ZBTB7C: variants seen among roughly 807,000 people sequenced by gnomAD.
The protein encoded by ZBTB7C is zinc finger and BTB domain-containing protein 7C.
In ZBTB7C, 8 loss-of-function variants were observed where a neutral mutation model predicts 25.7. That is an observed-to-expected ratio of 0.31 (90% CI 0.18 to 0.56). The LOEUF (loss-of-function observed/expected upper bound fraction) is 0.56. Among genes scored for constraint, ZBTB7C ranks in the 20% least tolerant of loss-of-function variants. The probability of loss-of-function intolerance (pLI) is 0.91; values close to 1 mark genes in which losing one functional copy is unlikely to be tolerated. For missense variants in ZBTB7C, 824 were observed against 855.2 expected (o/e 0.96, Z 0.46); for synonymous variants, 394 against 369.0 (o/e 1.07, Z -0.78).
At chr18:48,097,151 G>A (rs941580853) in intron 3 of ZBTB7C, among the ~76,000 whole-genome samples, 2 of 152,204 alleles carry the variant, frequency 1.3e-5, no homozygotes, top group African/African-American at 4.8e-5. Flanking sequence ...GAACATAGTT[G>A]ATTGGATCAG....
At chr18:48,131,958 C>T (rs1437813140) in intron 3 of ZBTB7C, among the ~76,000 whole-genome samples, 3 of 152,154 alleles carry the variant, frequency 2.0e-5, no homozygotes, top group Non-Finnish European at 4.4e-5. Context: ...AATGGTACAG[C>T]CACTGTAAAA....
rs564739358 is a variant in ZBTB7C, at chr18:48,362,475, T to C, written c.-303-24077A>G. 2.6e-5 allele frequency among the ~76,000 whole-genome samples: 4 copies of C among 152,336 alleles called. No individual in the cohort carries two copies. In the South Asian group the frequency reaches 8.3e-4, roughly 32 times the overall value. ...GACCAGAGTTATCCCTTTCCATGTG[T>C]AAGGGCACAGCTAGAAGGTGCCATT... is the stretch of plus-strand genomic sequence containing the variant. On this transcript the variant is annotated intron_variant, in intron 1 of 4. Coordinates refer to ENST00000590800, the MANE Select transcript of ZBTB7C (RefSeq NM_001318841.2).
chr18:48,391,246 G>A (rs920308783), intron 1 of ZBTB7C, among the ~76,000 whole-genome samples: 3 of 152,208 alleles, frequency 2.0e-5, no homozygotes, highest in Admixed American at 2.0e-4. Flanking sequence ...CCGGCAGGCT[G>A]AAGTGCTGAG....
intron 2 of ZBTB7C, among the ~76,000 whole-genome samples, chr18:48,291,955 T>C (rs1466936621): frequency 6.6e-6 from 1 of 152,152 alleles, no homozygotes; most frequent in Non-Finnish European, 1.5e-5. Flanking sequence ...CTCAGCACTT[T>C]GGGAGGCTGA....
intron 2 of ZBTB7C, among the ~76,000 whole-genome samples, chr18:48,265,800 C>G (rs143885752): frequency 8.5e-5 from 13 of 152,314 alleles, no homozygotes; most frequent in South Asian, 8.3e-4. Flanking sequence ...TGAGAAACTG[C>G]TCACAGACTG....
intron 2 of ZBTB7C, among the ~76,000 whole-genome samples, chr18:48,254,707 C>T (rs2043974666): frequency 6.6e-6 from 1 of 152,192 alleles, no homozygotes; most frequent in Non-Finnish European, 1.5e-5. Flanking sequence ...AATCAACAAT[C>T]TCCACACTTC....
At chr18:48,326,647 T>C (rs1905634370) in intron 2 of ZBTB7C, among the ~76,000 whole-genome samples, 1 of 151,734 alleles carries the variant, frequency 6.6e-6, no homozygotes, top group South Asian at 2.1e-4. Context: ...AATATGGAGG[T>C]ATTTCCAAGA....
intron 2 of ZBTB7C, among the ~76,000 whole-genome samples, chr18:48,272,940 A>G (rs2044535511): frequency 6.6e-6 from 1 of 152,242 alleles, no homozygotes; most frequent in South Asian, 2.1e-4. Flanking sequence ...TATGAAACAT[A>G]GAGGACAGGC....
intron 3 of ZBTB7C, among the ~76,000 whole-genome samples, chr18:48,110,081 C>T (rs2039180856): frequency 6.6e-6 from 1 of 152,196 alleles, no homozygotes; most frequent in African/African-American, 2.4e-5. Flanking sequence ...TTCTTTCCTA[C>T]TCTGTATGCG....
At chr18:48,090,926 C>G (rs998562906) in intron 3 of ZBTB7C, among the ~76,000 whole-genome samples, 8 of 152,040 alleles carry the variant, frequency 5.3e-5, no homozygotes, top group African/African-American at 1.7e-4. Context: ...GCTTCTCTCT[C>G]GAACAGAACT....
chr18:48,122,140 G>GA (rs947452091), intron 3 of ZBTB7C, among the ~76,000 whole-genome samples: 2 of 152,190 alleles, frequency 1.3e-5, no homozygotes, highest in African/African-American at 4.8e-5. Context: ...AGAGGCTATG[G>GA]AAACTGAGAT....
intron 2 of ZBTB7C, among the ~76,000 whole-genome samples, chr18:48,188,983 C>A (rs920468812): frequency 1.3e-5 from 2 of 152,196 alleles, no homozygotes; most frequent in African/African-American, 4.8e-5. Flanking sequence ...ATGTTCTTGT[C>A]TGAAAATCTG....
chr18:48,352,334 G>A (rs919335475), intron 1 of ZBTB7C, among the ~76,000 whole-genome samples: 9 of 152,352 alleles, frequency 5.9e-5, no homozygotes, highest in Middle Eastern at 3.4e-3. Flanking sequence ...GCTTATCCAA[G>A]TGCTCACAGC....
chr18:48,289,901 C>G (rs945721360), intron 2 of ZBTB7C, among the ~76,000 whole-genome samples: 1 of 152,092 alleles, frequency 6.6e-6, no homozygotes, highest in Non-Finnish European at 1.5e-5. Context: ...ACAGATACAA[C>G]GTGGATTCTC....
chr18:48,224,793 T>C (rs1287245235), intron 2 of ZBTB7C, among the ~76,000 whole-genome samples: 1 of 152,156 alleles, frequency 6.6e-6, no homozygotes, highest in East Asian at 1.9e-4. Context: ...AACTATACAT[T>C]TTGCATAGCT....
At chr18:48,240,667 G>GATGAGAGAATT in intron 2 of ZBTB7C, among the ~76,000 whole-genome samples, 1 of 152,214 alleles carries the variant, frequency 6.6e-6, no homozygotes, top group East Asian at 1.9e-4. Flanking sequence ...ACCACTCCAA[G>GATGAGAGAATT]CCAGCACTAC....
intron 3 of ZBTB7C, among the ~76,000 whole-genome samples, chr18:48,181,568 G>C (rs1014582223): frequency 1.1e-4 from 16 of 152,288 alleles, no homozygotes; most frequent in South Asian, 4.2e-4. Context: ...CGGTGAATCA[G>C]GACTGGAACC....
intron 3 of ZBTB7C, among the ~76,000 whole-genome samples, chr18:48,107,412 G>C (rs1453507464): frequency 6.6e-6 from 1 of 151,422 alleles, no homozygotes; most frequent in Non-Finnish European, 1.5e-5. Context: ...AGAAGAAAGA[G>C]GGAAGAAGAG....
At chr18:48,361,913 C>T (rs1263940294) in intron 1 of ZBTB7C, among the ~76,000 whole-genome samples, 5 of 152,200 alleles carry the variant, frequency 3.3e-5, no homozygotes, top group Admixed American at 6.5e-5. Context: ...CCAGCCAGCA[C>T]GGCAGGAGGA....
Sources: allele counts gnomAD v4.1 joint callset (sites outside exome capture counted in the v4.1 genomes callset), GRCh38; gene constraint gnomAD v4.1.1; transcripts MANE v1.5; gene names NCBI Gene and HGNC (gene_info 2026-07-23, HGNC 2026-07-21).